COG6: variants seen among roughly 807,000 people sequenced by gnomAD.
COG6 encodes the protein conserved oligomeric Golgi complex subunit 6.
A neutral mutation model predicts 88.8 loss-of-function variants in COG6; 74 were observed. That is an observed-to-expected ratio of 0.83 (90% CI 0.69 to 1.01). The LOEUF (loss-of-function observed/expected upper bound fraction) is 1.01, where lower values mean the gene tolerates loss of function less well. Among genes scored for constraint, COG6 ranks in the 50% least tolerant of loss-of-function variants. COG6 has a pLI of 0.00. For missense variants in COG6, 800 were observed against 797.9 expected (o/e 1.00, Z -0.03); for synonymous variants, 286 against 278.7 (o/e 1.03, Z -0.26).
chr13:39,753,873 C>T (rs1403399808), downstream of COG6, among the ~76,000 whole-genome samples: 3 of 152,188 alleles, frequency 2.0e-5, no homozygotes, highest in Admixed American at 6.5e-5. Context: ...CTGGTTTAGA[C>T]ATGCTGTCGT....
At chr13:39,787,600 A>G (rs1460285500) in intron 18 of COG6, among the ~76,000 whole-genome samples, 2 of 152,180 alleles carry the variant, frequency 1.3e-5, no homozygotes, top group African/African-American at 2.4e-5. Flanking sequence ...TGTTAACTAT[A>G]TATATATTTA....
intron 8 of COG6, 126 bp downstream of exon 8, chr13:39,682,390 C>A (rs1168109602): frequency 1.8e-5 from 12 of 654,602 alleles, no homozygotes; most frequent in Non-Finnish European, 2.7e-6. Context: ...TACAACAATA[C>A]TGTTCACCTT....
intron 18 of COG6, among the ~76,000 whole-genome samples, chr13:39,766,461 A>G (rs925807574): frequency 6.6e-6 from 1 of 152,124 alleles, no homozygotes; most frequent in Non-Finnish European, 1.5e-5. Context: ...GAACAAGAGT[A>G]GCCTTTGTAA....
intron 18 of COG6, among the ~76,000 whole-genome samples, chr13:39,761,872 A>G (rs1369527185): frequency 6.6e-6 from 1 of 151,856 alleles, no homozygotes; most frequent in Non-Finnish European, 1.5e-5. Context: ...AGAAAAAATA[A>G]CAAATGTTGA....
At chr13:39,738,077 C>T (rs924879706) in intron 18 of COG6, among the ~76,000 whole-genome samples, 1 of 152,072 alleles carries the variant, frequency 6.6e-6, no homozygotes, top group Admixed American at 6.6e-5. Context: ...TCTTTCTTAT[C>T]CTCTTTAGTG....
downstream of COG6, among the ~76,000 whole-genome samples, chr13:39,753,775 C>T (rs946531637): frequency 1.3e-5 from 2 of 152,128 alleles, no homozygotes; most frequent in Admixed American, 6.6e-5. Context: ...GGATTATTCT[C>T]AATGTCATAA....
intron 15 of COG6, 58 bp from the exon 16 acceptor site, chr13:39,723,275 A>G (rs893432102): frequency 9.4e-7 from 1 of 1,062,014 alleles, no homozygotes; most frequent in Non-Finnish European, 1.5e-6. Flanking sequence ...AAGGCACTGC[A>G]TCTACTCTCA....
Position 39,752,465 on chromosome 13 carries a change from T to C in COG6, c.*1372T>C. On this transcript the variant is annotated 3_prime_UTR_variant, in exon 19 of 19. Coordinates refer to ENST00000455146, the MANE Select transcript of COG6 (RefSeq NM_020751.3). ...TTCCCTTTGATTAGTATGTGTTACA[T>C]ATAAAGACAGAAAATAAAGTATAAA... 9.1e-7 allele frequency: 1 copy of C among 1,093,158 alleles called. No homozygotes were observed. The highest frequency in any genetic ancestry group is 1.2e-6 in the Non-Finnish European group (1 of 834,018). 67.7% of individuals were successfully genotyped at this position (1,093,158 alleles called of 1,614,324 possible). A position where few individuals can be genotyped will look rare whatever the true frequency, so the allele number is the denominator to read the frequency against.
chr13:39,755,834 T>C (rs970731372), downstream of COG6, among the ~76,000 whole-genome samples: 1 of 152,210 alleles, frequency 6.6e-6, no homozygotes, highest in African/African-American at 2.4e-5. Flanking sequence ...CTTCATCTAA[T>C]CATTAGTTGA....
intron 18 of COG6, chr13:39,788,308 TC>T (rs1881835577): frequency 6.4e-7 from 1 of 1,551,490 alleles, no homozygotes; most frequent in Non-Finnish European, 8.7e-7. Context: ...AGCAACATTG[TC>T]TTTGATTGTT....
intron 16 of COG6, among the ~76,000 whole-genome samples, chr13:39,723,809 C>A (rs1359899847): frequency 1.3e-5 from 2 of 151,902 alleles, no homozygotes; most frequent in African/African-American, 4.8e-5. Context: ...TTTTCAGATT[C>A]CTATATCACT....
chr13:39,685,386 ATTTG>A (rs1246731552), intron 8 of COG6, among the ~76,000 whole-genome samples: 1 of 152,104 alleles, frequency 6.6e-6, no homozygotes, highest in Non-Finnish European at 1.5e-5. Context: ...TTTAAATTAT[ATTTG>A]TTCTATAGGA....
intron 18 of COG6, among the ~76,000 whole-genome samples, chr13:39,759,872 T>C (rs1180782638): frequency 6.6e-6 from 1 of 152,052 alleles, no homozygotes; most frequent in Non-Finnish European, 1.5e-5. Context: ...ATTGGGGAAA[T>C]TGTTGATAAG....
chr13:39,664,576 A>C (rs1387332658), intron 3 of COG6, among the ~76,000 whole-genome samples: 2 of 152,248 alleles, frequency 1.3e-5, no homozygotes, highest in African/African-American at 2.4e-5. Flanking sequence ...GATTAGGAAC[A>C]GCCTTGTGTC....
chr13:39,727,590 AT>A, intron 18 of COG6, 42 bp downstream of exon 18: 3 of 1,327,772 alleles, frequency 2.3e-6, no homozygotes, highest in Non-Finnish European at 3.3e-6. Context: ...AGATTCACAT[AT>A]TTTTAAATAT....
chr13:39,791,435 T>C (rs956400341), exon 19 of COG6: 2 of 152,066 alleles, frequency 1.3e-5, no homozygotes, highest in Non-Finnish European at 2.9e-5. Flanking sequence ...GGGTATTTTA[T>C]TTAAGATTTT....
chr13:39,707,317 C>T (rs531068963), intron 13 of COG6, among the ~76,000 whole-genome samples: 14 of 151,692 alleles, frequency 9.2e-5, no homozygotes, highest in Non-Finnish European at 1.5e-4. Context: ...TTAGTAGAGA[C>T]GGGGTTTCAC....
At chr13:39,766,454 C>G (rs1262255402) in intron 18 of COG6, among the ~76,000 whole-genome samples, 2 of 152,076 alleles carry the variant, frequency 1.3e-5, no homozygotes, top group East Asian at 3.9e-4. Context: ...CCTGGGGGAA[C>G]AAGAGTAGCC....
chr13:39,678,328 C>T (rs1029412805), intron 5 of COG6, among the ~76,000 whole-genome samples: 1 of 152,174 alleles, frequency 6.6e-6, no homozygotes, highest in Non-Finnish European at 1.5e-5. Context: ...CCTACCTCGG[C>T]CTCCCAAAGT....
Sources: gnomAD v4.1 joint callset for allele counts (sites outside exome capture counted in the v4.1 genomes callset) on GRCh38, gnomAD v4.1.1 for gene constraint, MANE v1.5 for transcripts, NCBI Gene and HGNC (gene_info 2026-07-23, HGNC 2026-07-21) for gene names.